Variants in STXBP5L observed in about 807,000 individuals in gnomAD.
STXBP5L encodes the protein syntaxin binding protein 5L.
STXBP5L carries 65 observed loss-of-function variants against 144.5 expected under a neutral mutation model. The ratio of observed to expected loss-of-function variants is 0.45; its 90% CI spans 0.37 to 0.55. The LOEUF (loss-of-function observed/expected upper bound fraction) is 0.55. Ranked by LOEUF, STXBP5L falls within the 20% of genes least tolerant of loss-of-function variation. STXBP5L has a pLI of 0.00. For synonymous variants in STXBP5L, 505 were observed against 469.6 expected, an observed-to-expected ratio of 1.08 and a Z score of -0.97; for missense variants, 1,298 against 1,405.5, an observed-to-expected ratio of 0.92 and a Z score of 1.22.
At chr3:121,044,319 A>G (rs1312126402) in intron 4 of STXBP5L, among the ~76,000 whole-genome samples, 1 of 152,134 alleles carries the variant, frequency 6.6e-6, no homozygotes, top group East Asian at 1.9e-4. Context: ...CTATCATAGG[A>G]TACATGAGCA....
intron 5 of STXBP5L, among the ~76,000 whole-genome samples, chr3:121,077,451 A>G (rs78116691): frequency 3.9e-5 from 6 of 152,226 alleles, no homozygotes; most frequent in Admixed American, 6.5e-5. Context: ...CTCGCTGGCT[A>G]GGAGTGAAGC....
At chr3:121,353,263 G>T (rs754333094) in intron 20 of STXBP5L, among the ~76,000 whole-genome samples, 3 of 152,166 alleles carry the variant, frequency 2.0e-5, no homozygotes, top group Non-Finnish European at 4.4e-5. Flanking sequence ...AATGGTAACA[G>T]CTCCTGTTTG....
chr3:120,940,963 T>A (rs1415429684), intron 2 of STXBP5L, among the ~76,000 whole-genome samples: 1 of 151,624 alleles, frequency 6.6e-6, no homozygotes, highest in Non-Finnish European at 1.5e-5. Context: ...GATGAGATAG[T>A]TTAGAGATGG....
chr3:121,063,035 A>G (rs1370935813), intron 5 of STXBP5L, among the ~76,000 whole-genome samples: 2 of 152,064 alleles, frequency 1.3e-5, no homozygotes, highest in African/African-American at 4.8e-5. Context: ...TTCTCCATCC[A>G]GTTTTGTTCC....
Position 121,205,920 on chromosome 3 carries a change from TAGGA to T in STXBP5L, c.878-1_880del. ...GATTCAATTAAATATTTTTTTTCTT[TAGGA>T]AAAAGTCAAAGAGAAGGAAGAAAAT... On this transcript the variant is annotated splice_acceptor_variant and coding_sequence_variant, in exon 10 of 27. Coordinates refer to ENST00000471454, the MANE Select transcript of STXBP5L (RefSeq NM_001308330.2). LOFTEE classifies it high-confidence loss of function. 1 of 1,447,766 alleles carries T rather than the reference TAGGA, an allele frequency of 6.9e-7. No individual in the cohort carries two copies. The highest frequency in any genetic ancestry group is 2.5e-5 in the Admixed American group (1 of 40,206). The allele number at this position is 1,447,766 out of a possible 1,614,324, so 89.7% of individuals were successfully genotyped here. A position where few individuals can be genotyped will look rare whatever the true frequency, so the allele number is the denominator to read the frequency against.
intron 7 of STXBP5L, among the ~76,000 whole-genome samples, chr3:121,146,447 G>GAC (rs2107962707): frequency 6.6e-6 from 1 of 151,968 alleles, no homozygotes; most frequent in Admixed American, 6.6e-5. Flanking sequence ...AAAGAGGGAG[G>GAC]ACACATTAAC....
At chr3:121,194,201 T>C (rs2047828730) in intron 9 of STXBP5L, among the ~76,000 whole-genome samples, 1 of 152,104 alleles carries the variant, frequency 6.6e-6, no homozygotes, top group Non-Finnish European at 1.5e-5. Flanking sequence ...TCTCCAAACC[T>C]TGCAACCCTA....
At chr3:121,192,490 C>T (rs556584652) in intron 9 of STXBP5L, among the ~76,000 whole-genome samples, 4 of 152,056 alleles carry the variant, frequency 2.6e-5, no homozygotes, top group Admixed American at 1.3e-4. Context: ...TCATATGGAA[C>T]CAAAAAAGAG....
At chr3:121,033,991 T>C (rs1946571634) in intron 3 of STXBP5L, among the ~76,000 whole-genome samples, 1 of 152,142 alleles carries the variant, frequency 6.6e-6, no homozygotes, top group Admixed American at 6.6e-5. Flanking sequence ...TCTATGCAAG[T>C]CTTTTGGATA....
At position 121,186,984 on chromosome 3, in the gene STXBP5L, A is replaced by G. The variant is rs1299748732; in HGVS notation, c.878-18939A>G. ...GTTGGTGGGACTGTAAACTAGTTCA[A>G]CCATTGTGGAAGTCAGTGTGGTGAT... On this transcript the variant is annotated intron_variant, in intron 9 of 26. Coordinates refer to ENST00000471454, the MANE Select transcript of STXBP5L (RefSeq NM_001308330.2). Among the ~76,000 whole-genome samples, 7 of 152,164 alleles carry G rather than the reference A, an allele frequency of 4.6e-5. No individual in the cohort carries two copies. The South Asian group carries it at 8.3e-4, about 18-fold the overall frequency.
At chr3:121,169,023 G>T (rs2046605376) in intron 9 of STXBP5L, among the ~76,000 whole-genome samples, 1 of 152,062 alleles carries the variant, frequency 6.6e-6, no homozygotes. Flanking sequence ...GAAGAGAGTG[G>T]GGACCAATAT....
At chr3:121,140,054 A>T (rs2107935138) in intron 7 of STXBP5L, among the ~76,000 whole-genome samples, 1 of 152,248 alleles carries the variant, frequency 6.6e-6, no homozygotes, top group South Asian at 2.1e-4. Context: ...ATATTAAAAA[A>T]TTAAAATAGA....
chr3:121,074,811 CT>C (rs1378931592), intron 5 of STXBP5L, among the ~76,000 whole-genome samples: 1 of 152,164 alleles, frequency 6.6e-6, no homozygotes, highest in African/African-American at 2.4e-5. Context: ...TGGAGCAAGG[CT>C]TTTCCTAACA....
At chr3:121,081,249 A>G (rs2042236139) in intron 5 of STXBP5L, among the ~76,000 whole-genome samples, 2 of 151,930 alleles carry the variant, frequency 1.3e-5, no homozygotes, top group South Asian at 4.2e-4. Flanking sequence ...TTTTTTATCC[A>G]TATCCTGTAT....
intron 12 of STXBP5L, among the ~76,000 whole-genome samples, 156 bp from the exon 13 acceptor site, chr3:121,238,813 AAG>A (rs10611108): frequency 0.099 from 15,063 of 152,146 alleles, 1,172 homozygotes; most frequent in Admixed American, 0.2. Flanking sequence ...CTATTACAAA[AAG>A]AGCATTTTTG....
intron 19 of STXBP5L, among the ~76,000 whole-genome samples, chr3:121,290,061 G>A (rs1216141545): frequency 3.9e-5 from 6 of 151,930 alleles, no homozygotes; most frequent in Admixed American, 3.9e-4. Context: ...GATCAGAGCA[G>A]AACTAAATGA....
At chr3:121,255,737 C>T (rs1023222679) in intron 16 of STXBP5L, among the ~76,000 whole-genome samples, 4 of 151,910 alleles carry the variant, frequency 2.6e-5, no homozygotes, top group Non-Finnish European at 4.4e-5. Flanking sequence ...TGGGGTAGAT[C>T]TAATTATGGG....
At chr3:121,009,596 G>T (rs1260054347) in intron 3 of STXBP5L, among the ~76,000 whole-genome samples, 1 of 151,864 alleles carries the variant, frequency 6.6e-6, no homozygotes. Context: ...TCTCCTCTTT[G>T]TGGTAGTTAT....
intron 5 of STXBP5L, among the ~76,000 whole-genome samples, chr3:121,076,455 T>G (rs376149602): frequency 2.4e-4 from 37 of 152,218 alleles, no homozygotes; most frequent in African/African-American, 8.9e-4. Context: ...TCTCTTTCTG[T>G]GGTTCCTGGT....
Sources: allele counts gnomAD v4.1 joint callset (sites outside exome capture counted in the v4.1 genomes callset), GRCh38; gene constraint gnomAD v4.1.1; transcripts MANE v1.5; gene names NCBI Gene and HGNC (gene_info 2026-07-23, HGNC 2026-07-21).